The following IGLL5 variants were observed in gnomAD, a reference collection of about 807,000 sequenced individuals.
IGLL5 encodes the protein immunoglobulin lambda like polypeptide 5.
Under a neutral mutation model 20.9 loss-of-function variants are expected in IGLL5, and 30 were observed. The ratio of observed to expected loss-of-function variants is 1.44; its 90% CI spans 1.07 to 1.95. IGLL5 has a LOEUF of 1.95. IGLL5 is among the 30% of genes most tolerant of loss of function. IGLL5 has a pLI of 0.00. For missense variants in IGLL5, 475 were observed against 270.7 expected (o/e 1.75, Z -5.30); for synonymous variants, 203 against 117.3 (o/e 1.73, Z -4.72).
intron 1 of IGLL5, among the ~76,000 whole-genome samples, chr22:22,888,710 T>G (rs577452952): frequency 1.3e-5 from 2 of 151,232 alleles, no homozygotes; most frequent in South Asian, 2.1e-4. Flanking sequence ...AAGGGCTTGG[T>G]TTGGTCTCCC....
chr22:22,893,859 GC>G (rs1736780018), intron 2 of IGLL5, 41 bp downstream of exon 2: 3 of 1,332,970 alleles, frequency 2.3e-6, no homozygotes, highest in Non-Finnish European at 2.2e-6. Context: ...CTCACCCTCT[GC>G]TGTCCCTGGA....
At chr22:22,894,039 A>AACT in intron 2 of IGLL5, among the ~76,000 whole-genome samples, 1 of 150,534 alleles carries the variant, frequency 6.6e-6, no homozygotes, top group African/African-American at 2.5e-5. Flanking sequence ...CCGGGGCCTG[A>AACT]GCTGGGATTG....
chr22:22,891,544 T>C, intron 1 of IGLL5, among the ~76,000 whole-genome samples: 1 of 151,342 alleles, frequency 6.6e-6, no homozygotes. Flanking sequence ...ACTGCAGAAT[T>C]GGTTCTCTAA....
At chr22:22,894,418 T>G (rs1601626199) in intron 2 of IGLL5, among the ~76,000 whole-genome samples, 1 of 151,216 alleles carries the variant, frequency 6.6e-6, no homozygotes, top group African/African-American at 2.4e-5. Context: ...GAGGGACGGG[T>G]GAGACTGGGT....
At chr22:22,894,389 A>C (rs143384356) in intron 2 of IGLL5, among the ~76,000 whole-genome samples, 3 of 151,442 alleles carry the variant, frequency 2.0e-5, no homozygotes, top group South Asian at 2.1e-4. Context: ...GTGCTGGGTC[A>C]TGAGGACATG....
In IGLL5 at chr22:22,893,835, CT is replaced by C. The variant is rs2067931561; in HGVS notation, c.325+20del. ...CCGTCCTAGGTAAGTGGCTCTCAAC[CT>C]TTCCCAGCCTGTCTCACCCTCTGCT... On this transcript the variant is annotated intron_variant, in intron 2 of 2. Transcript: ENST00000526893. 6.7e-7 allele frequency: 1 copy of C among 1,503,106 alleles called. No homozygotes were observed. Among genetic ancestry groups the C allele is most frequent in the East Asian group, 2.3e-5 (1 of 44,170 alleles). The allele number at this position is 1,503,106 out of a possible 1,614,324, so 93.1% of individuals were successfully genotyped here.
chr22:22,894,821 CCTTGCCAGGAGAGCCAAGTGGGCTGGGCT>C, intron 2 of IGLL5, among the ~76,000 whole-genome samples: 1 of 151,352 alleles, frequency 6.6e-6, no homozygotes, highest in Non-Finnish European at 1.5e-5. Context: ...GGAGCCCACT[CCTTGCCAGGAGAGCCAAGTGGGCTGGGCT>C]GGGGCAGAGC....
intron 1 of IGLL5, among the ~76,000 whole-genome samples, chr22:22,892,045 T>C (rs2146018522): frequency 6.6e-6 from 1 of 151,364 alleles, no homozygotes; most frequent in Middle Eastern, 3.7e-3. Context: ...TACAATATGC[T>C]GAATAATAAA....
chr22:22,888,766 C>A (rs2067644078), intron 1 of IGLL5, among the ~76,000 whole-genome samples: 1 of 151,384 alleles, frequency 6.6e-6, no homozygotes, highest in African/African-American at 2.4e-5. Flanking sequence ...CTTACTGGGG[C>A]CAGGCTCAAG....
At chr22:22,894,319 A>G (rs555067076) in intron 2 of IGLL5, among the ~76,000 whole-genome samples, 11 of 151,370 alleles carry the variant, frequency 7.3e-5, no homozygotes, top group Admixed American at 2.6e-4. Context: ...GGTCACCCCA[A>G]GGGGAGACCA....
chr22:22,893,689 A>C lies in IGLL5; in HGVS notation c.207-11A>C, dbSNP rs769058717. 1.3e-6 allele frequency: 2 copies of C among 1,585,610 alleles called. No homozygotes were observed. The highest frequency in any genetic ancestry group is 1.7e-6 in the Non-Finnish European group (2 of 1,160,474). ...CGCCCACTGCAACCCTGTGCCCGTC[A>C]TGCCCAGCAGGCTCCTGCTCCAGCC... On this transcript the variant is annotated splice_polypyrimidine_tract_variant and intron_variant, in intron 1 of 2. Transcript: ENST00000526893.
intron 1 of IGLL5, among the ~76,000 whole-genome samples, chr22:22,891,419 CCT>C (rs1270245210): frequency 1.3e-5 from 2 of 151,058 alleles, no homozygotes; most frequent in Non-Finnish European, 2.9e-5. Flanking sequence ...CTGCGCCCAC[CCT>C]GTTTTGATTA....
intron 1 of IGLL5, among the ~76,000 whole-genome samples, chr22:22,889,518 T>G (rs1269715351): frequency 1.3e-5 from 2 of 151,312 alleles, no homozygotes; most frequent in African/African-American, 2.4e-5. Flanking sequence ...TTATTAGTGA[T>G]GGGAGAAAAC....
rs557119190 is a variant in IGLL5 at position 22,889,368 on chromosome 22, G to C, written c.206+1109G>C. Among the ~76,000 whole-genome samples the C allele has an allele frequency of 7.3e-5, 11 of 151,172 alleles. 2 individuals are homozygous for C. Among genetic ancestry groups the C allele is most frequent in the Middle Eastern group, 3.7e-3 (1 of 272 alleles). ...GCATTAAAAATGTATAACCATTTTA[G>C]CAACAGGCGGCGAGTCAAAAAACAA... On this transcript the variant is annotated intron_variant, in intron 1 of 2. Transcript: ENST00000526893.
chr22:22,894,115 G>T (rs538769086), intron 2 of IGLL5, among the ~76,000 whole-genome samples: 1 of 151,446 alleles, frequency 6.6e-6, no homozygotes, highest in African/African-American at 2.4e-5. Context: ...GGCTGGTTCT[G>T]ATGAGGGGCC....
chr22:22,889,430 G>A (rs756993863), intron 1 of IGLL5, among the ~76,000 whole-genome samples: 1 of 151,256 alleles, frequency 6.6e-6, no homozygotes, highest in Non-Finnish European at 1.5e-5. Flanking sequence ...CCACTTCTAG[G>A]AATTTATCCT....
chr22:22,893,175 G>T (rs1208040464), intron 1 of IGLL5, among the ~76,000 whole-genome samples: 1 of 151,132 alleles, frequency 6.6e-6, no homozygotes, highest in Non-Finnish European at 1.5e-5. Flanking sequence ...TGGACAAACA[G>T]ATGAACAGAT....
At chr22:22,893,935 A>AGTTTTCT in intron 2 of IGLL5, 117 bp downstream of exon 2, 1 of 775,386 alleles carries the variant, frequency 1.3e-6, no homozygotes, top group Non-Finnish European at 2.3e-6. Context: ...ACTGACCCTT[A>AGTTTTCT]CCTTTCTCCA....
At position 22,896,053 on chromosome 22, in the gene IGLL5, C is replaced by A. The variant is rs2066759828; in HGVS notation, c.*359C>A. ...GCTACCAGTCTGGCATCAGTTCAGACCAGTCCCACACCCTCCTAAATTTTA... is the reference window on the plus strand; with the variant it reads ...GCTACCAGTCTGGCATCAGTTCAGAACAGTCCCACACCCTCCTAAATTTTA... On this transcript the variant is annotated 3_prime_UTR_variant, in exon 3 of 3. Transcript: ENST00000526893. 22 of 454,914 alleles carry A rather than the reference C, an allele frequency of 4.8e-5. No homozygotes were observed. Among genetic ancestry groups the A allele is most frequent in the South Asian group, 4.6e-4 (21 of 45,918 alleles). 28.2% of individuals were successfully genotyped at this position (454,914 alleles called of 1,614,324 possible).
Sources: allele counts gnomAD v4.1 joint callset (sites outside exome capture counted in the v4.1 genomes callset), GRCh38; gene constraint gnomAD v4.1.1; transcripts MANE v1.5; gene names NCBI Gene and HGNC (gene_info 2026-07-23, HGNC 2026-07-21).